Variants in SARDH observed in about 807,000 individuals in gnomAD.
The protein encoded by SARDH is sarcosine dehydrogenase.
SARDH carries 95 observed loss-of-function variants against 109.1 expected under a neutral mutation model. The observed-to-expected ratio is 0.87, with a 90% CI of 0.74 to 1.03. The LOEUF (loss-of-function observed/expected upper bound fraction) is 1.03. Ranked by LOEUF, SARDH falls within the 50% of genes least tolerant of loss-of-function variation. The pLI is 0.00. For missense variants in SARDH, 1,267 were observed against 1,287.8 expected, an observed-to-expected ratio of 0.98 and a Z score of 0.25; for synonymous variants, 572 against 534.8, an observed-to-expected ratio of 1.07 and a Z score of -0.96.
intron 1 of SARDH, among the ~76,000 whole-genome samples, chr9:133,735,362 G>T (rs73662185): frequency 6.6e-6 from 1 of 152,060 alleles, no homozygotes; most frequent in African/African-American, 2.4e-5. Context: ...GACCCACCCC[G>T]ACTCCCTCCT....
intron 6 of SARDH, among the ~76,000 whole-genome samples, chr9:133,725,209 G>C (rs933966126): frequency 3.3e-5 from 5 of 152,322 alleles, no homozygotes; most frequent in African/African-American, 1.2e-4. Context: ...TCTGGGGACA[G>C]GGTGGGAAAT....
intron 17 of SARDH, among the ~76,000 whole-genome samples, chr9:133,672,452 T>C (rs1345612286): frequency 6.6e-6 from 1 of 152,240 alleles, no homozygotes; most frequent in African/African-American, 2.4e-5. Flanking sequence ...TCCTTGTCTG[T>C]AAGATGGGGT....
Position 133,709,039 on chromosome 9 carries a change from CAG to C in SARDH, c.1329-613_1329-612del. ...GGTCAGACCAGGGACCCAAGAGGTA[CAG>C]AGTCTCTGGGGGAAAATCCCAGCTG... On this transcript the variant is annotated intron_variant, in intron 10 of 20. Transcript: ENST00000439388. This position sits in a 1 kb window ranked among gnomAD's most constrained non-coding sequence, Gnocchi z 4.2. Among the ~76,000 whole-genome samples, 1 of 152,288 alleles carries C rather than the reference CAG, an allele frequency of 6.6e-6. No individual in the cohort carries two copies. The highest frequency in any genetic ancestry group is 1.9e-4 in the East Asian group (1 of 5,174).
At chr9:133,705,868 T>C (rs920449315) in intron 11 of SARDH, among the ~76,000 whole-genome samples, 5 of 152,082 alleles carry the variant, frequency 3.3e-5, no homozygotes, top group South Asian at 2.1e-4. Flanking sequence ...GGAGCCCTTA[T>C]AGGAGGAGGA....
Position 133,718,990 on chromosome 9 carries a change from C to T in SARDH, c.968G>A (p.Gly323Glu). The change falls in exon 7 of 21, where the codon GGG (glycine) becomes GAG (glutamate). Residue 323 changes from glycine to glutamate, a missense_variant. Physicochemically the swap from Gly to Glu is moderately conservative, Grantham distance 98. Transcript: ENST00000439388. The surrounding 1 kb of genome is among the most constrained non-coding windows in gnomAD (Gnocchi z 4.2). ...HDASVYLRLQGDALSVGGYEA... is the reference protein window; with the variant it reads ...HDASVYLRLQEDALSVGGYEA... ...ATAGCCACCCACAGACAAGGCATCC[C>T]CTTGGAGGCGGAGGTAGACAGAGGC... The T allele has an allele frequency of 1.9e-6, 3 of 1,614,192 alleles. No individual in the cohort carries two copies. The highest frequency in any genetic ancestry group is 1.7e-6 in the Non-Finnish European group (2 of 1,180,032).
chr9:133,737,884 TG>T (rs1832936650), intron 1 of SARDH, among the ~76,000 whole-genome samples: 1 of 152,224 alleles, frequency 6.6e-6, no homozygotes, highest in Non-Finnish European at 1.5e-5. Flanking sequence ...AGGACAGCCC[TG>T]GGCTTGGGAT....
At chr9:133,698,009 T>TAAAAAAAAAAAAAAAAAAAAAAAAAA (rs371381068) in intron 13 of SARDH, among the ~76,000 whole-genome samples, 4 of 95,708 alleles carry the variant, frequency 4.2e-5, no homozygotes, top group Admixed American at 1.2e-4. Flanking sequence ...AGGAATCCAC[T>TAAAAAAAAAAAAAAAAAAAAAAAAAA]AAAAAAAAAA....
chr9:133,715,443 C>G (rs1008739527), intron 8 of SARDH, among the ~76,000 whole-genome samples: 2 of 152,138 alleles, frequency 1.3e-5, no homozygotes, highest in African/African-American at 4.8e-5. Context: ...GGCAGTGAGT[C>G]ACGGCTGTGT....
chr9:133,693,593 C>A lies in SARDH; in HGVS notation c.1921+665G>T, dbSNP rs1387076445. ...AAAGAGAATGTTTCCCTCTCTGCTTCTTCATCCCTGGTGGGGATGGGTTAC... is the reference window on the plus strand; with the variant it reads ...AAAGAGAATGTTTCCCTCTCTGCTTATTCATCCCTGGTGGGGATGGGTTAC... On this transcript the variant is annotated intron_variant, in intron 15 of 20. Coordinates refer to ENST00000439388, the MANE Select transcript of SARDH (RefSeq NM_001134707.2). The surrounding 1 kb of genome is among the most constrained non-coding windows in gnomAD (Gnocchi z 5.6). Among the ~76,000 whole-genome samples, 1 of 152,190 alleles carries A rather than the reference C, an allele frequency of 6.6e-6. No homozygotes were observed. The highest frequency in any genetic ancestry group is 1.5e-5 in the Non-Finnish European group (1 of 68,024).
chr9:133,691,246 G>GC (rs904286646), intron 15 of SARDH, among the ~76,000 whole-genome samples: 10 of 147,034 alleles, frequency 6.8e-5, no homozygotes, highest in Admixed American at 2.7e-4. Context: ...CTCCTGAGTG[G>GC]CCCCCCCAGT....
Position 133,731,394 on chromosome 9 carries a change from C to T in SARDH, c.601G>A (p.Gly201Arg), listed in dbSNP as rs1426522816. Reference protein sequence around the residue: ...YPLMNVDDLYGTLYVPHDGTM... With the variant: ...YPLMNVDDLYRTLYVPHDGTM... ...CCGTCGTGCGGCACATACAGGGTCC[C>T]GTAGAGGTCGTCCACATTCATCAGC... is the stretch of plus-strand genomic sequence containing the variant. The change falls in exon 4 of 21, where the codon GGG (glycine) becomes AGG (arginine). Residue 201 changes from glycine to arginine, a missense_variant. Gly to Arg is a moderately radical substitution (Grantham distance 125, BLOSUM62 -2). Transcript: ENST00000439388. 2 of 1,614,182 alleles carry T rather than the reference C, an allele frequency of 1.2e-6. No individual in the cohort carries two copies. The highest frequency in any genetic ancestry group is 1.1e-5 in the South Asian group (1 of 91,086).
chr9:133,724,143 A>G (rs1445055195), intron 6 of SARDH, among the ~76,000 whole-genome samples: 1 of 152,184 alleles, frequency 6.6e-6, no homozygotes, highest in African/African-American at 2.4e-5. Flanking sequence ...ACCATACCAT[A>G]AAAAAGCGAA....
In SARDH at chr9:133,704,799, G is replaced by A. The variant is rs1831625027; in HGVS notation, c.1554+149C>T. The A allele has an allele frequency of 7.5e-6, 5 of 669,170 alleles. No homozygotes were observed. The highest frequency in any genetic ancestry group is 1.3e-5 in the Non-Finnish European group (5 of 383,798). 41.5% of individuals were successfully genotyped at this position (669,170 alleles called of 1,614,324 possible). ...CCTTGGGGGCAGGTCGGCAGGGCTC[G>A]GCTTCCCGTGTGCAGAATAACTGAT... On this transcript the variant is annotated intron_variant, in intron 12 of 20. Transcript: ENST00000439388. The surrounding 1 kb of genome is among the most constrained non-coding windows in gnomAD (Gnocchi z 4.5).
In SARDH at chr9:133,720,670, G is replaced by A. The variant is rs534102705; in HGVS notation, c.916-1628C>T. On this transcript the variant is annotated intron_variant, in intron 6 of 20. Transcript: ENST00000439388. Reference sequence around the variant, plus strand: ...AAAGAGAGAGAGAGCATGTGCAGGGGAACTCCCTTTATAAAACCATCAGAT... The same window carrying A: ...AAAGAGAGAGAGAGCATGTGCAGGGAAACTCCCTTTATAAAACCATCAGAT... 5.9e-5 allele frequency among the ~76,000 whole-genome samples: 9 copies of A among 152,258 alleles called. No homozygotes were observed. In the East Asian group the frequency reaches 1.7e-3, roughly 29 times the overall value.
intron 13 of SARDH, among the ~76,000 whole-genome samples, chr9:133,702,014 G>T (rs1447980645): frequency 6.6e-6 from 1 of 152,196 alleles, no homozygotes; most frequent in Non-Finnish European, 1.5e-5. Flanking sequence ...TGGCCTAGAG[G>T]CCCCAGGAAG....
At chr9:133,714,956 A>G (rs1246049531) in intron 8 of SARDH, among the ~76,000 whole-genome samples, 6 of 152,164 alleles carry the variant, frequency 3.9e-5, no homozygotes, top group Admixed American at 1.3e-4. Flanking sequence ...GCAGGGAACA[A>G]GGGTCTCTTG....
chr9:133,660,371 A>ACTC (rs1832397550), downstream of SARDH, among the ~76,000 whole-genome samples: 1 of 151,728 alleles, frequency 6.6e-6, no homozygotes, highest in Non-Finnish European at 1.5e-5. Flanking sequence ...CCCAGGTCTG[A>ACTC]CTCCAGTGTC....
chr9:133,708,202 C>T (rs1938114823), intron 11 of SARDH, 85 bp downstream of exon 11: 2 of 1,485,510 alleles, frequency 1.3e-6, no homozygotes, highest in African/African-American at 1.4e-5. Context: ...GGTTGGGGTA[C>T]ACCTTGCATT....
At chr9:133,708,957 C>T (rs887279133) in intron 10 of SARDH, among the ~76,000 whole-genome samples, 5 of 152,130 alleles carry the variant, frequency 3.3e-5, no homozygotes, top group Admixed American at 1.3e-4. Context: ...CAAGGGTGGC[C>T]GCCTGTCCCA....
Sources: allele counts gnomAD v4.1 joint callset (sites outside exome capture counted in the v4.1 genomes callset), GRCh38; gene constraint gnomAD v4.1.1; non-coding constraint Gnocchi (gnomAD v3.1); transcripts MANE v1.5; gene names NCBI Gene and HGNC (gene_info 2026-07-23, HGNC 2026-07-21).